Variants in ASAP1 observed in about 807,000 individuals in gnomAD.
The protein encoded by ASAP1 is arf-GAP with SH3 domain, ANK repeat and PH domain-containing protein 1.
In ASAP1, 43 loss-of-function variants were observed where a neutral mutation model predicts 145.2. The ratio of observed to expected loss-of-function variants is 0.30; its 90% CI spans 0.23 to 0.38. The LOEUF (loss-of-function observed/expected upper bound fraction) is 0.38. ASAP1 is among the 10% of genes least tolerant of loss of function. ASAP1 has a pLI of 1.00. For synonymous variants in ASAP1, 546 were observed against 515.5 expected, an observed-to-expected ratio of 1.06 and a Z score of -0.80; for missense variants, 1,018 against 1,355.3, an observed-to-expected ratio of 0.75 and a Z score of 3.91.
At chr8:130,102,865 A>AT (rs2097531039) in intron 24 of ASAP1, among the ~76,000 whole-genome samples, 1 of 151,994 alleles carries the variant, frequency 6.6e-6, no homozygotes, top group South Asian at 2.1e-4. Flanking sequence ...TTTTATTTAT[A>AT]TTTTTTGTAG....
chr8:130,400,790 C>CTAA (rs1554904984), intron 2 of ASAP1, among the ~76,000 whole-genome samples: 8 of 103,046 alleles, frequency 7.8e-5, no homozygotes, highest in East Asian at 4.4e-4. Context: ...GACTCCGTCT[C>CTAA]AAAAAAAAAA....
Position 130,054,370 on chromosome 8 carries a change from C to G in ASAP1, c.*361G>C, listed in dbSNP as rs777168302. On this transcript the variant is annotated 3_prime_UTR_variant, in exon 30 of 30. Coordinates refer to ENST00000518721, the MANE Select transcript of ASAP1 (RefSeq NM_018482.4). Reference sequence around the variant, plus strand: ...ATTGAGAATACTGCATTGTTAGGAACAGAGTCAATTCTATGCCTTTCAACG... The same window carrying G: ...ATTGAGAATACTGCATTGTTAGGAAGAGAGTCAATTCTATGCCTTTCAACG... 2.3e-5 allele frequency: 5 copies of G among 213,732 alleles called. No individual in the cohort carries two copies. Among genetic ancestry groups the G allele is most frequent in the Non-Finnish European group, 4.9e-5 (5 of 102,270 alleles). The allele number at this position is 213,732 out of a possible 1,614,324, so 13.2% of individuals were successfully genotyped here.
intron 3 of ASAP1, among the ~76,000 whole-genome samples, chr8:130,311,758 T>C (rs1365827885): frequency 7.3e-4 from 14 of 19,086 alleles, no homozygotes; most frequent in Non-Finnish European, 9.5e-5. Flanking sequence ...CGAAACTCCG[T>C]CTCAAAAAAA....
Position 130,092,135 on chromosome 8 carries a change from C to G in ASAP1, c.2410G>C (p.Gly804Arg), listed in dbSNP as rs751627419. ...PPRNAGKGPT[G>R]PPSTLPLSTQ... Reference sequence around the variant, plus strand: ...CTTAGAGGGAGTGTTGAAGGTGGGCCAGTTGGACCTAGAAAGGAAATTGAA... The same window carrying G: ...CTTAGAGGGAGTGTTGAAGGTGGGCGAGTTGGACCTAGAAAGGAAATTGAA... Residue 804 changes from glycine to arginine, a missense_variant, in exon 25 of 30, where the codon GGC becomes CGC. Gly to Arg is a moderately radical substitution (Grantham distance 125, BLOSUM62 -2). Coordinates refer to ENST00000518721, the MANE Select transcript of ASAP1 (RefSeq NM_018482.4). 12 of 1,562,904 alleles carry G rather than the reference C, an allele frequency of 7.7e-6. No homozygotes were observed. Among genetic ancestry groups the G allele is most frequent in the Admixed American group, 2.1e-5 (1 of 47,292 alleles).
chr8:130,416,732 G>A (rs772701494), intron 1 of ASAP1, among the ~76,000 whole-genome samples: 4 of 152,220 alleles, frequency 2.6e-5, no homozygotes, highest in Middle Eastern at 3.2e-3. Flanking sequence ...TACCTGCTTA[G>A]GCTGCCACCT....
chr8:130,405,793 G>C (rs1216588408), intron 1 of ASAP1, among the ~76,000 whole-genome samples: 2 of 152,234 alleles, frequency 1.3e-5, no homozygotes, highest in East Asian at 1.9e-4. Flanking sequence ...GGCACTTGGA[G>C]ACCCATCTGA....
chr8:130,310,559 AG>A (rs991783333), intron 3 of ASAP1, among the ~76,000 whole-genome samples: 1 of 152,212 alleles, frequency 6.6e-6, no homozygotes, highest in Non-Finnish European at 1.5e-5. Context: ...GAAGGCTCAG[AG>A]GATCATCCCT....
intron 1 of ASAP1, among the ~76,000 whole-genome samples, chr8:130,432,107 G>A (rs1565311511): frequency 8.8e-6 from 1 of 113,902 alleles, no homozygotes; most frequent in African/African-American, 3.4e-5. Context: ...AGGGAAGAGG[G>A]GGAGAGGGAA....
intron 3 of ASAP1, among the ~76,000 whole-genome samples, chr8:130,238,224 G>A (rs1333034121): frequency 2.0e-5 from 3 of 151,994 alleles, no homozygotes; most frequent in Non-Finnish European, 4.4e-5. Context: ...GTCATTCCTC[G>A]GATTTCTGGG....
intron 25 of ASAP1, among the ~76,000 whole-genome samples, chr8:130,090,197 T>A (rs1369107069): frequency 6.6e-6 from 1 of 152,194 alleles, no homozygotes; most frequent in Admixed American, 6.5e-5. Context: ...AAAGCAGAAA[T>A]TTGGTAAATT....
At chr8:130,376,205 G>A (rs1827483081) in intron 2 of ASAP1, among the ~76,000 whole-genome samples, 2 of 152,212 alleles carry the variant, frequency 1.3e-5, no homozygotes, top group Middle Eastern at 3.2e-3. Context: ...ACCACAAGGC[G>A]TGGAGATGTG....
chr8:130,247,898 C>G (rs574448694), intron 3 of ASAP1, among the ~76,000 whole-genome samples: 1 of 152,142 alleles, frequency 6.6e-6, no homozygotes, highest in African/African-American at 2.4e-5. Context: ...TAAAACTGAT[C>G]GCTGGCATGT....
intron 4 of ASAP1, among the ~76,000 whole-genome samples, chr8:130,227,165 A>G (rs1365810580): frequency 6.6e-6 from 1 of 152,166 alleles, no homozygotes; most frequent in East Asian, 1.9e-4. Context: ...AAATCGAGAT[A>G]ATAAAACCTC....
chr8:130,352,143 G>C (rs546747013), intron 3 of ASAP1, among the ~76,000 whole-genome samples: 2 of 151,314 alleles, frequency 1.3e-5, no homozygotes, highest in South Asian at 2.1e-4. Context: ...GTCAGAGACA[G>C]ACCCAAACAT....
chr8:130,269,990 C>T (rs554072010), intron 3 of ASAP1, among the ~76,000 whole-genome samples: 6 of 152,062 alleles, frequency 3.9e-5, no homozygotes, highest in South Asian at 2.1e-4. Flanking sequence ...GCTAACATGG[C>T]GAAACCTCAT....
At chr8:130,268,221 C>G (rs981486415) in intron 3 of ASAP1, among the ~76,000 whole-genome samples, 1 of 152,158 alleles carries the variant, frequency 6.6e-6, no homozygotes, top group Admixed American at 6.5e-5. Context: ...CACGGTAGCT[C>G]ATGCCTGTAA....
chr8:130,226,149 A>G (rs1039993221), intron 4 of ASAP1, among the ~76,000 whole-genome samples: 1 of 151,230 alleles, frequency 6.6e-6, no homozygotes, highest in African/African-American at 2.4e-5. Flanking sequence ...AAGTGCTGTG[A>G]TTAACGTTTT....
intron 1 of ASAP1, among the ~76,000 whole-genome samples, chr8:130,433,166 G>C (rs948180326): frequency 1.3e-5 from 2 of 152,234 alleles, no homozygotes; most frequent in East Asian, 1.9e-4. Context: ...CAGGAGTTCT[G>C]TATCAGTGGA....
chr8:130,325,856 T>C (rs1824293238), intron 3 of ASAP1, among the ~76,000 whole-genome samples: 1 of 152,216 alleles, frequency 6.6e-6, no homozygotes, highest in African/African-American at 2.4e-5. Context: ...CCACAAAACA[T>C]ATGATTAGTA....
Sources: allele counts gnomAD v4.1 joint callset (sites outside exome capture counted in the v4.1 genomes callset), GRCh38; gene constraint gnomAD v4.1.1; transcripts MANE v1.5; gene names NCBI Gene and HGNC (gene_info 2026-07-23, HGNC 2026-07-21).